Variants in VPS13C observed in about 807,000 individuals in gnomAD.
The protein encoded by VPS13C is vacuolar protein sorting 13 homolog C.
A neutral mutation model predicts 456.8 loss-of-function variants in VPS13C; 358 were observed. That is an observed-to-expected ratio of 0.78 (90% confidence interval 0.72 to 0.86). The LOEUF (loss-of-function observed/expected upper bound fraction) is 0.86, where lower values mean the gene tolerates loss of function less well. VPS13C is among the 40% of genes least tolerant of loss of function. VPS13C has a pLI of 0.00. For missense variants in VPS13C, 4,818 were observed against 4,385.4 expected, an observed-to-expected ratio of 1.10 and a Z score of -2.79; for synonymous variants, 1,578 against 1,486.7, an observed-to-expected ratio of 1.06 and a Z score of -1.41.
chr15:61,971,735 G>C (rs1283057115), intron 27 of VPS13C, among the ~76,000 whole-genome samples: 2 of 152,130 alleles, frequency 1.3e-5, no homozygotes, highest in Admixed American at 1.3e-4. Flanking sequence ...TTGAATTTAG[G>C]GTCATGGGAT....
intron 45 of VPS13C, among the ~76,000 whole-genome samples, chr15:61,944,468 A>T (rs1020260378): frequency 7.9e-5 from 12 of 152,188 alleles, no homozygotes; most frequent in African/African-American, 2.9e-4. Flanking sequence ...AAAAGAATGA[A>T]ATCATGTCCT....
rs2043510370 is a variant in VPS13C, at chr15:61,917,511, ATGG to A, written c.7882_7884del (p.Pro2628del). 2 of 1,613,948 alleles carry A rather than the reference ATGG, an allele frequency of 1.2e-6. No homozygotes were observed. Among genetic ancestry groups the A allele is most frequent in the Non-Finnish European group, 1.7e-6 (2 of 1,179,928 alleles). On this transcript the variant is annotated inframe_deletion, in exon 60 of 85. Transcript: ENST00000644861. ...AGAGGTAAGAAGCTGACTTCTACTG[ATGG>A]ACACTGCAACATGCATCTGACTTCC...
intron 82 of VPS13C, among the ~76,000 whole-genome samples, chr15:61,860,634 GT>G (rs1311524840): frequency 6.6e-6 from 1 of 152,136 alleles, no homozygotes; most frequent in Non-Finnish European, 1.5e-5. Flanking sequence ...TAAAAATCAT[GT>G]TGTCAAAGAA....
chr15:61,856,230 A>G lies in VPS13C; in HGVS notation c.11076+56T>C, dbSNP rs1893896430. The G allele has an allele frequency of 1.9e-6, 3 of 1,599,390 alleles. No individual in the cohort carries two copies. In the African/African-American group the frequency reaches 4.0e-5, roughly 22 times the overall value. ...TCAAATATTTTGTGTAGTTAACTGC[A>G]AAACAGTCTAAAAGCAATGAACTCT... is the stretch of plus-strand genomic sequence containing the variant. On this transcript the variant is annotated intron_variant, in intron 83 of 84. Transcript: ENST00000644861.
At chr15:61,856,709 T>C (rs1311121088) in intron 82 of VPS13C, 2 of 163,444 alleles carry the variant, frequency 1.2e-5, no homozygotes, top group African/African-American at 6.9e-5. Flanking sequence ...TTTTTTTTTT[T>C]GGTTAACTGA....
At chr15:61,854,841 A>T in intron 84 of VPS13C, 30 bp downstream of exon 84, 3 of 1,575,938 alleles carry the variant, frequency 1.9e-6, no homozygotes, top group Non-Finnish European at 2.6e-6. Context: ...CAGCTAAAAA[A>T]AATTGAGGCA....
chr15:62,019,569 G>A (rs949882609), intron 9 of VPS13C, among the ~76,000 whole-genome samples: 1 of 152,092 alleles, frequency 6.6e-6, no homozygotes, highest in African/African-American at 2.4e-5. Flanking sequence ...TCAGGAGAAG[G>A]TTGTTCAGTT....
rs1241118720 is a variant in VPS13C at position 61,963,856 on chromosome 15, T to C, written c.3310A>G (p.Ile1104Val). ...TTACCTTGAATCTTGATTTCGGCGA[T>C]ATTGTTCTTTTCGTTGCAAACAATG... Reference protein sequence around the residue: ...CVIVCNEKNNIAEIKIQGLDS... With the variant: ...CVIVCNEKNNVAEIKIQGLDS... Residue 1104 changes from isoleucine (I) to valine (V), a missense_variant, in exon 32 of 85, where the codon ATC becomes GTC. Coordinates refer to ENST00000644861, the MANE Select transcript of VPS13C (RefSeq NM_020821.3). The C allele has an allele frequency of 1.6e-5, 25 of 1,610,812 alleles. No individual in the cohort carries two copies. The highest frequency in any genetic ancestry group is 2.0e-5 in the Non-Finnish European group (24 of 1,178,260).
At position 61,873,959 on chromosome 15, in the gene VPS13C, T is replaced by TACACACACACACAC. The variant is rs67985179; in HGVS notation, c.10415-564_10415-551dup. ...GGATGAATGGATAAAGAAAATGTGA[T>TACACACACACACAC]ACACACACACACACACACAAACAGA... On this transcript the variant is annotated intron_variant, in intron 77 of 84. Transcript: ENST00000644861. Among the ~76,000 whole-genome samples, 945 of 149,832 alleles carry TACACACACACACAC rather than the reference T, an allele frequency of 6.3e-3. 7 individuals carry two copies. Among genetic ancestry groups the TACACACACACACAC allele is most frequent in the African/African-American group, 0.019 (780 of 40,806 alleles).
At chr15:62,000,293 A>T (rs935488330) in intron 16 of VPS13C, among the ~76,000 whole-genome samples, 1 of 152,180 alleles carries the variant, frequency 6.6e-6, no homozygotes, top group African/African-American at 2.4e-5. Flanking sequence ...TGCACCCGGG[A>T]GGCAGAGGCT....
intron 67 of VPS13C, among the ~76,000 whole-genome samples, chr15:61,888,027 T>C (rs1328581383): frequency 6.6e-6 from 1 of 152,132 alleles, no homozygotes; most frequent in East Asian, 1.9e-4. Flanking sequence ...AATTTTAAAA[T>C]GGACAAAAGA....
chr15:62,029,278 A>G lies in VPS13C; in HGVS notation c.386-858T>C, dbSNP rs186594645. On this transcript the variant is annotated intron_variant, in intron 5 of 84. Transcript: ENST00000644861. The stretch of plus-strand genomic sequence containing the variant: ...TTTGAAGAGTGACTGCTGAATAGTA[A>G]ATCCTCAATAAATGTCAACTACTTT... Among the ~76,000 whole-genome samples, 196 of 152,224 alleles carry G rather than the reference A, an allele frequency of 1.3e-3. 1 individual carries two copies. The highest frequency in any genetic ancestry group is 6.8e-3 in the Middle Eastern group (2 of 294).
intron 18 of VPS13C, among the ~76,000 whole-genome samples, chr15:61,988,322 A>G (rs188840682): frequency 3.0e-4 from 45 of 152,326 alleles, no homozygotes; most frequent in African/African-American, 1.1e-3. Context: ...AATAAAATTT[A>G]AGATCTGTGC....
At chr15:62,001,801 G>A (rs2046628196) in intron 15 of VPS13C, among the ~76,000 whole-genome samples, 1 of 152,176 alleles carries the variant, frequency 6.6e-6, no homozygotes, top group Non-Finnish European at 1.5e-5. Flanking sequence ...AGTTTACTGA[G>A]AATGATGATT....
intron 18 of VPS13C, among the ~76,000 whole-genome samples, chr15:61,987,631 CA>C (rs1200119282): frequency 1.3e-5 from 2 of 152,086 alleles, no homozygotes; most frequent in Non-Finnish European, 2.9e-5. Flanking sequence ...GGAGAGGACA[CA>C]AAAACCTAAC....
intron 1 of VPS13C, among the ~76,000 whole-genome samples, chr15:62,054,975 GT>G (rs1480534960): frequency 6.6e-6 from 1 of 152,168 alleles, no homozygotes; most frequent in African/African-American, 2.4e-5. Flanking sequence ...GAACTGAAAT[GT>G]TTTGCCCAGG....
At chr15:61,898,413 C>T (rs537021700) in intron 66 of VPS13C, among the ~76,000 whole-genome samples, 7,504 of 151,132 alleles carry the variant, frequency 0.05, 282 homozygotes, top group African/African-American at 0.11. Context: ...GGAAAATCTA[C>T]CAAGCAAATG....
intron 32 of VPS13C, among the ~76,000 whole-genome samples, chr15:61,963,236 T>G (rs367615164): frequency 6.6e-6 from 1 of 152,064 alleles, no homozygotes; most frequent in East Asian, 1.9e-4. Context: ...AGCCCCTAGT[T>G]TTCTAGTTTT....
At chr15:62,009,491 T>G (rs536460125) in intron 13 of VPS13C, among the ~76,000 whole-genome samples, 2 of 152,354 alleles carry the variant, frequency 1.3e-5, no homozygotes, top group South Asian at 4.1e-4. Flanking sequence ...CTTAAATGTA[T>G]TTTAAGTGAT....
Sources: gnomAD v4.1 joint callset for allele counts (sites outside exome capture counted in the v4.1 genomes callset) on GRCh38, gnomAD v4.1.1 for gene constraint, MANE v1.5 for transcripts, NCBI Gene and HGNC (gene_info 2026-07-23, HGNC 2026-07-21) for gene names.